The following SH3RF3 variants were observed in gnomAD, a reference collection of about 807,000 sequenced individuals.
SH3RF3 encodes the protein SH3 domain containing ring finger 3.
Under a neutral mutation model 66.3 loss-of-function variants are expected in SH3RF3, and 29 were observed. The observed-to-expected ratio is 0.44, with a 90% CI of 0.33 to 0.60. The LOEUF (loss-of-function observed/expected upper bound fraction) is 0.60. Ranked by LOEUF, SH3RF3 falls within the 20% of genes least tolerant of loss-of-function variation. SH3RF3 has a pLI of 0.04. For missense variants in SH3RF3, 1,194 were observed against 1,190.9 expected (o/e 1.00, Z -0.04); for synonymous variants, 583 against 532.0 (o/e 1.10, Z -1.32).
chr2:109,199,849 G>C, intron 1 of SH3RF3, among the ~76,000 whole-genome samples: 22 of 41,920 alleles, frequency 5.2e-4, no homozygotes, highest in Admixed American at 9.5e-4. Flanking sequence ...GAATGGAATG[G>C]AAATAACAAA....
At chr2:109,246,916 C>T (rs1679931459) in intron 1 of SH3RF3, among the ~76,000 whole-genome samples, 1 of 152,172 alleles carries the variant, frequency 6.6e-6, no homozygotes, top group Non-Finnish European at 1.5e-5. Flanking sequence ...CTCAGGGCTC[C>T]AGGCCAATGC....
chr2:109,254,396 G>A (rs1316864324), intron 1 of SH3RF3, among the ~76,000 whole-genome samples: 1 of 152,152 alleles, frequency 6.6e-6, no homozygotes, highest in African/African-American at 2.4e-5. Context: ...AATGGGGGCA[G>A]CACATTCCTC....
intron 1 of SH3RF3, among the ~76,000 whole-genome samples, chr2:109,153,298 C>G (rs961259283): frequency 1.3e-5 from 2 of 152,128 alleles, no homozygotes; most frequent in Admixed American, 1.3e-4. Flanking sequence ...CACTGGAAAC[C>G]CATTTCTGAG....
At position 109,504,019 on chromosome 2, in the gene SH3RF3, A is replaced by G. The variant is rs1679465577; in HGVS notation, c.*2348A>G. On this transcript the variant is annotated 3_prime_UTR_variant, in exon 10 of 10. Transcript: ENST00000309415. ...TGGGTCTGGCCAGAGCTCTGGAGCCAATGCCGGGCTGCCTGAGAGCAGAGG... is the reference window on the plus strand; with the variant it reads ...TGGGTCTGGCCAGAGCTCTGGAGCCGATGCCGGGCTGCCTGAGAGCAGAGG... 6.6e-6 allele frequency: 1 copy of G among 152,238 alleles called. No homozygotes were observed. 9.4% of individuals were successfully genotyped at this position (152,238 alleles called of 1,614,324 possible).
intron 1 of SH3RF3, among the ~76,000 whole-genome samples, chr2:109,146,316 A>G (rs1021108186): frequency 1.3e-5 from 2 of 152,290 alleles, no homozygotes; most frequent in South Asian, 2.1e-4. Flanking sequence ...CAAATTGCCA[A>G]AGGGATCATT....
chr2:109,258,054 A>G (rs2378312), intron 1 of SH3RF3, among the ~76,000 whole-genome samples: 69,827 of 151,912 alleles, frequency 0.46, 16,092 homozygotes, highest in African/African-American at 0.48. Context: ...GCTGACCCTC[A>G]CAGCCCTGCC....
At chr2:109,167,547 G>GA (rs1239196925) in intron 1 of SH3RF3, among the ~76,000 whole-genome samples, 2 of 152,038 alleles carry the variant, frequency 1.3e-5, no homozygotes, top group African/African-American at 2.4e-5. Flanking sequence ...TTTAGTGTCT[G>GA]AATTCTTTTA....
intron 1 of SH3RF3, among the ~76,000 whole-genome samples, chr2:109,168,748 G>A (rs996717835): frequency 1.3e-5 from 2 of 152,088 alleles, no homozygotes; most frequent in Admixed American, 6.6e-5. Context: ...CAGCACTGTT[G>A]GCCCTTCTCA....
intron 1 of SH3RF3, among the ~76,000 whole-genome samples, chr2:109,335,330 CA>C (rs1239660946): frequency 6.6e-6 from 1 of 152,194 alleles, no homozygotes; most frequent in Non-Finnish European, 1.5e-5. Flanking sequence ...CTCAAGTTTC[CA>C]CATTGAAAAC....
At chr2:109,493,851 C>A (rs1329542345) in intron 9 of SH3RF3, among the ~76,000 whole-genome samples, 1 of 152,114 alleles carries the variant, frequency 6.6e-6, no homozygotes, top group Non-Finnish European at 1.5e-5. Context: ...CCACATAATA[C>A]AAACACATAT....
At chr2:109,159,971 T>TA (rs1284244682) in intron 1 of SH3RF3, among the ~76,000 whole-genome samples, 1 of 152,188 alleles carries the variant, frequency 6.6e-6, no homozygotes, top group East Asian at 1.9e-4. Flanking sequence ...ATAATAGAAA[T>TA]AAAGTGCACA....
rs532333710 is a variant in SH3RF3, at chr2:109,331,047, T to C, written c.574-16627T>C. Among the ~76,000 whole-genome samples the C allele has an allele frequency of 1.5e-4, 23 of 152,316 alleles. No homozygotes were observed. In the South Asian group the frequency reaches 4.8e-3, roughly 32 times the overall value. On this transcript the variant is annotated intron_variant, in intron 1 of 9. Coordinates refer to ENST00000309415, the MANE Select transcript of SH3RF3 (RefSeq NM_001099289.3). The stretch of plus-strand genomic sequence containing the variant: ...GAGTTACTGTAGTATCTGTTGACTT[T>C]CACCCAAAATCTAAAAAAGACTCCT...
chr2:109,142,706 C>T (rs187523301), intron 1 of SH3RF3, among the ~76,000 whole-genome samples: 13 of 152,268 alleles, frequency 8.5e-5, no homozygotes, highest in African/African-American at 1.9e-4. Context: ...CATGGGCTGT[C>T]GGGCCTGGGT....
At chr2:109,488,795 A>G (rs1044424152) in intron 8 of SH3RF3, among the ~76,000 whole-genome samples, 9 of 152,180 alleles carry the variant, frequency 5.9e-5, no homozygotes, top group African/African-American at 2.2e-4. Flanking sequence ...GCTGTTTCCT[A>G]TTGCTCACAA....
rs751731687 is a variant in SH3RF3 at position 109,371,588 on chromosome 2, C to T, written c.852C>T (p.Asp284=). ...QDKDCLTFTK[D]EILTVLRRVD... ...CCACGGTGGACCCGGAACTGCAGGA[C>T]GAGATTCTGACGGTGCTCAGGAGAG... Residue 284 remains aspartate, a splice_region_variant and synonymous_variant, in exon 3 of 10, where the codon GAC becomes GAT. Coordinates refer to ENST00000309415, the MANE Select transcript of SH3RF3 (RefSeq NM_001099289.3). 103 of 1,613,698 alleles carry T rather than the reference C, an allele frequency of 6.4e-5. No individual in the cohort carries two copies. Among genetic ancestry groups the T allele is most frequent in the South Asian group, 1.9e-4 (17 of 91,046 alleles).
At chr2:109,411,527 C>T (rs1422399796) in intron 4 of SH3RF3, among the ~76,000 whole-genome samples, 1 of 152,208 alleles carries the variant, frequency 6.6e-6, no homozygotes. Flanking sequence ...GCATCCGTAG[C>T]AACAGAGACC....
intron 2 of SH3RF3, among the ~76,000 whole-genome samples, chr2:109,349,010 TGTCA>T (rs1217407809): frequency 6.6e-6 from 1 of 152,190 alleles, no homozygotes; most frequent in East Asian, 1.9e-4. Flanking sequence ...TGTCTCTCTG[TGTCA>T]GTATTTCTCT....
intron 1 of SH3RF3, among the ~76,000 whole-genome samples, chr2:109,195,492 G>A (rs1372933244): frequency 6.6e-6 from 1 of 152,220 alleles, no homozygotes; most frequent in African/African-American, 2.4e-5. Context: ...ATAAAGAGCT[G>A]TAGGCTTTAT....
chr2:109,447,157 A>G (rs1677730421), intron 7 of SH3RF3, among the ~76,000 whole-genome samples: 2 of 149,830 alleles, frequency 1.3e-5, no homozygotes, highest in South Asian at 4.2e-4. Context: ...TAAAAAAAAA[A>G]AAAAAAAAAA....
Sources: allele counts gnomAD v4.1 joint callset (sites outside exome capture counted in the v4.1 genomes callset), GRCh38; gene constraint gnomAD v4.1.1; transcripts MANE v1.5; gene names NCBI Gene and HGNC (gene_info 2026-07-23, HGNC 2026-07-21).